Variants in LRRC58 observed in about 807,000 individuals in gnomAD.
LRRC58 encodes leucine rich repeat containing 58, also known as leucine-rich repeat-containing protein 58.
In LRRC58, 18 loss-of-function variants were observed where a neutral mutation model predicts 30.6. The observed-to-expected ratio is 0.59, with a 90% CI of 0.41 to 0.87. The LOEUF is 0.87. Among genes scored for constraint, LRRC58 ranks in the 40% least tolerant of loss-of-function variants. The pLI, the probability that LRRC58 is intolerant of heterozygous loss-of-function variation, is 0.00. For missense variants in LRRC58, 420 were observed against 468.4 expected (o/e 0.90, Z 0.95); for synonymous variants, 221 against 206.0 (o/e 1.07, Z -0.62).
In LRRC58 at chr3:120,331,348, C is replaced by T. The variant is rs1278246118; in HGVS notation, c.968G>A (p.Arg323His). ...IKFVDFCGKY[R>H]LPLMHYLCSP... The stretch of plus-strand genomic sequence containing the variant: ...ACACAAGTAGTGCATCAGTGGGAGG[C>T]GATACTTCCCACAGAAGTCCACAAA... The change falls in exon 4 of 4, where the codon CGC (arginine) becomes CAC (histidine). Residue 323 changes from arginine to histidine, a missense_variant. By Grantham distance (29) the Arg-to-His change is conservative. Transcript: ENST00000295628. The T allele has an allele frequency of 1.9e-6, 3 of 1,613,762 alleles. No homozygotes were observed. Among genetic ancestry groups the T allele is most frequent in the South Asian group, 1.1e-5 (1 of 91,062 alleles).
rs1935739373 is a variant in LRRC58 at position 120,330,495 on chromosome 3, T to C, written c.*705A>G. The C allele has an allele frequency of 6.6e-6, 1 of 152,190 alleles. No individual in the cohort carries two copies. Among genetic ancestry groups the C allele is most frequent in the Admixed American group, 6.5e-5 (1 of 15,282 alleles). 9.4% of individuals were successfully genotyped at this position (152,190 alleles called of 1,614,324 possible). A position where few individuals can be genotyped will look rare whatever the true frequency, so the allele number is the denominator to read the frequency against. On this transcript the variant is annotated 3_prime_UTR_variant, in exon 4 of 4. Coordinates refer to ENST00000295628, the MANE Select transcript of LRRC58 (RefSeq NM_001099678.2). ...ATTACTTCTTGAATACATTTTTATA[T>C]CCTTGCTGGATTAAGGCACTATAAC...
chr3:120,344,062 C>A (rs1394993581), intron 1 of LRRC58, among the ~76,000 whole-genome samples: 1 of 150,292 alleles, frequency 6.7e-6, no homozygotes, highest in South Asian at 2.1e-4. Context: ...AACAAACAAA[C>A]AAAAACAAAA....
At chr3:120,334,776 C>A in intron 3 of LRRC58, 86 bp downstream of exon 3, 1 of 1,234,074 alleles carries the variant, frequency 8.1e-7, no homozygotes, top group Non-Finnish European at 1.1e-6. Flanking sequence ...GGAACAGAAA[C>A]AGAGACTGCT....
chr3:120,333,372 T>C (rs1006169133), intron 3 of LRRC58, among the ~76,000 whole-genome samples: 6 of 152,228 alleles, frequency 3.9e-5, no homozygotes, highest in African/African-American at 1.4e-4. Context: ...AATGCTGCCC[T>C]ATGTGTTTTC....
In LRRC58 at chr3:120,348,823, C is replaced by A. The variant is rs763856666; in HGVS notation, c.421G>T (p.Glu141Ter). The change falls in exon 1 of 4, where the codon GAG becomes TAG. Residue 141 changes from glutamate to a stop codon, truncating the protein, a stop_gained. Transcript: ENST00000295628. LOFTEE classifies it high-confidence loss of function. ...CFQEVPASLL[E>*]LRALQTLSLG... ...CTCAGGGTCTGCAGCGCGCGCAGCT[C>A]TAAGAGCGAGGCAGGCACCTCCTGG... 4.4e-6 allele frequency: 7 copies of A among 1,607,262 alleles called. No homozygotes were observed. In the Admixed American group the frequency reaches 5.1e-5, roughly 12 times the overall value.
chr3:120,325,569 G>A lies in LRRC58; in HGVS notation c.*5631C>T, dbSNP rs1935662565. The A allele has an allele frequency of 6.6e-6, 1 of 152,180 alleles. No homozygotes were observed. Among genetic ancestry groups the A allele is most frequent in the African/African-American group, 2.4e-5 (1 of 41,446 alleles). The allele number at this position is 152,180 out of a possible 1,614,324, so 9.4% of individuals were successfully genotyped here. Reference sequence around the variant, plus strand: ...TTGCCCTGTGAGTGTTCAATAATATGTAGAGTTCATTAGTGAACTGTTTTT... The same window carrying A: ...TTGCCCTGTGAGTGTTCAATAATATATAGAGTTCATTAGTGAACTGTTTTT... On this transcript the variant is annotated 3_prime_UTR_variant, in exon 4 of 4. Coordinates refer to ENST00000295628, the MANE Select transcript of LRRC58 (RefSeq NM_001099678.2).
At position 120,325,514 on chromosome 3, in the gene LRRC58, G is replaced by C. The variant is rs1336986822; in HGVS notation, c.*5686C>G. The C allele has an allele frequency of 6.6e-6, 1 of 152,112 alleles. No individual in the cohort carries two copies. The highest frequency in any genetic ancestry group is 1.5e-5 in the Non-Finnish European group (1 of 68,002). 9.4% of individuals were successfully genotyped at this position (152,112 alleles called of 1,614,324 possible). Reference sequence around the variant, plus strand: ...CAACTATTGAGAAAGACTAATGTTAGGTAAAAGTCTAGTAGCACCCAAATC... The same window carrying C: ...CAACTATTGAGAAAGACTAATGTTACGTAAAAGTCTAGTAGCACCCAAATC... On this transcript the variant is annotated 3_prime_UTR_variant, in exon 4 of 4. Coordinates refer to ENST00000295628, the MANE Select transcript of LRRC58 (RefSeq NM_001099678.2).
rs1935677106 is a variant in LRRC58 at position 120,326,605 on chromosome 3, C to G, written c.*4595G>C. ...ATAAAAATCTATACAATAGCTTTTA[C>G]TATTGTTAAGTACCTGGCACAACTT... On this transcript the variant is annotated 3_prime_UTR_variant, in exon 4 of 4. Transcript: ENST00000295628. 2 of 152,172 alleles carry G rather than the reference C, an allele frequency of 1.3e-5. No individual in the cohort carries two copies. The highest frequency in any genetic ancestry group is 4.8e-5 in the African/African-American group (2 of 41,436). 9.4% of individuals were successfully genotyped at this position (152,172 alleles called of 1,614,324 possible). A position where few individuals can be genotyped will look rare whatever the true frequency, so the allele number is the denominator to read the frequency against.
chr3:120,331,316 C>T lies in LRRC58; in HGVS notation c.1000G>A (p.Glu334Lys), dbSNP rs76906770. 1 of 1,613,974 alleles carries T rather than the reference C, an allele frequency of 6.2e-7. No homozygotes were observed. The highest frequency in any genetic ancestry group is 1.1e-5 in the South Asian group (1 of 91,080). The change falls in exon 4 of 4, where the codon GAA becomes AAA. Residue 334 changes from glutamate to lysine, a missense_variant. This residue lies in a region of LRRC58 where 154 missense variants were observed against 216.8 expected (regional missense o/e 0.71). Transcript: ENST00000295628. ...LPLMHYLCSPECSSPCSSASH... is the reference protein window; with the variant it reads ...LPLMHYLCSPKCSSPCSSASH... ...GCAGAACTGCAAGGGGAAGAACATTCTGGTGAACACAAGTAGTGCATCAGT... is the reference window on the plus strand; with the variant it reads ...GCAGAACTGCAAGGGGAAGAACATTTTGGTGAACACAAGTAGTGCATCAGT...
At chr3:120,348,119 T>C (rs1004941319) in intron 1 of LRRC58, among the ~76,000 whole-genome samples, 4 of 152,080 alleles carry the variant, frequency 2.6e-5, no homozygotes, top group African/African-American at 7.2e-5. Flanking sequence ...GAGATAGCTT[T>C]TGAAGGATGA....
rs1936021495 is a variant in LRRC58 at position 120,349,182 on chromosome 3, A to G, written c.62T>C (p.Leu21Pro). The G allele has an allele frequency of 6.0e-6, 9 of 1,490,074 alleles. No homozygotes were observed. The highest frequency in any genetic ancestry group is 8.0e-6 in the Non-Finnish European group (9 of 1,128,404). The allele number at this position is 1,490,074 out of a possible 1,614,324, so 92.3% of individuals were successfully genotyped here. A position where few individuals can be genotyped will look rare whatever the true frequency, so the allele number is the denominator to read the frequency against. ...AGEAELNWSR[L>P]SVSTETLESE... ...CTCCAGCGTCTCGGTGGACACGCTG[A>G]GGCGGGACCAGTTCAGTTCGGCCTC... The change falls in exon 1 of 4, where the codon CTC (leucine) becomes CCC (proline). Residue 21 changes from leucine (L) to proline (P), a missense_variant. Transcript: ENST00000295628.
At chr3:120,339,716 T>C (rs985606216) in intron 1 of LRRC58, among the ~76,000 whole-genome samples, 4 of 152,202 alleles carry the variant, frequency 2.6e-5, no homozygotes, top group African/African-American at 9.6e-5. Context: ...TCATCTTTAA[T>C]GTTCTAAAGT....
Position 120,349,215 on chromosome 3 carries a change from G to A in LRRC58, c.29C>T (p.Thr10Met), listed in dbSNP as rs1481988447. 3.5e-6 allele frequency: 5 copies of A among 1,432,746 alleles called. 1 individual carries two copies. The African/African-American group carries it at 4.5e-5, about 13-fold the overall frequency. 88.8% of individuals were successfully genotyped at this position (1,432,746 alleles called of 1,614,324 possible). A position where few individuals can be genotyped will look rare whatever the true frequency, so the allele number is the denominator to read the frequency against. Residue 10 changes from threonine to methionine, a missense_variant, in exon 1 of 4, where the codon ACG (threonine) becomes ATG (methionine). By Grantham distance (81) the Thr-to-Met change is moderately conservative. Around this residue, in one of 2 missense-constraint regions of LRRC58, gnomAD observed 266 missense variants for 251.7 expected, o/e 1.06. Transcript: ENST00000295628. MEEAGAAVVTAGEAELNWSR... is the reference protein window; with the variant it reads MEEAGAAVVMAGEAELNWSR... ...CCAGTTCAGTTCGGCCTCCCCGGCCGTGACCACCGCTGCTCCGGCCTCCTC... is the reference window on the plus strand; with the variant it reads ...CCAGTTCAGTTCGGCCTCCCCGGCCATGACCACCGCTGCTCCGGCCTCCTC...
At chr3:120,335,694 C>G in intron 2 of LRRC58, 131 bp downstream of exon 2, 2 of 773,796 alleles carry the variant, frequency 2.6e-6, no homozygotes, top group Non-Finnish European at 3.9e-6. Flanking sequence ...AACCTCAGAA[C>G]TATAATTAAC....
chr3:120,349,030 G>A lies in LRRC58; in HGVS notation c.214C>T (p.Leu72=). 6.6e-7 allele frequency: 1 copy of A among 1,518,682 alleles called. No individual in the cohort carries two copies. 94.1% of individuals were successfully genotyped at this position (1,518,682 alleles called of 1,614,324 possible). A position where few individuals can be genotyped will look rare whatever the true frequency, so the allele number is the denominator to read the frequency against. ...ALGSGFPHLQ[L]LDVSGNALTA... ...AACGCGTTGCCGCTCACGTCCAGCA[G>A]CTGGAGGTGCGGGAAGCCGCTGCCC... Residue 72 remains leucine (L), a synonymous_variant, in exon 1 of 4, where the codon CTG becomes TTG. Transcript: ENST00000295628.
In LRRC58 at chr3:120,328,170, A is replaced by C. The variant is rs959138298; in HGVS notation, c.*3030T>G. 6.6e-6 allele frequency: 1 copy of C among 152,188 alleles called. No homozygotes were observed. The highest frequency in any genetic ancestry group is 2.4e-5 in the African/African-American group (1 of 41,448). 9.4% of individuals were successfully genotyped at this position (152,188 alleles called of 1,614,324 possible). On this transcript the variant is annotated 3_prime_UTR_variant, in exon 4 of 4. Transcript: ENST00000295628. ...CTTTGGATTTACCTCCACTACTCAA[A>C]TACTAGAATACTGAGGACCGTAGCC... is the stretch of plus-strand genomic sequence containing the variant.
At chr3:120,332,492 T>G in intron 3 of LRRC58, among the ~76,000 whole-genome samples, 1 of 152,148 alleles carries the variant, frequency 6.6e-6, no homozygotes, top group Non-Finnish European at 1.5e-5. Context: ...TGGTCAGTCA[T>G]AGACCGATAA....
intron 3 of LRRC58, among the ~76,000 whole-genome samples, chr3:120,333,629 T>C (rs564562431): frequency 1.3e-5 from 2 of 152,370 alleles, no homozygotes; most frequent in East Asian, 1.9e-4. Flanking sequence ...ATCATCATTA[T>C]GCAGCATTTC....
At chr3:120,333,107 GA>G (rs1328871528) in intron 3 of LRRC58, among the ~76,000 whole-genome samples, 86 of 126,456 alleles carry the variant, frequency 6.8e-4, no homozygotes, top group African/African-American at 1.5e-3. Flanking sequence ...AAAAAAAAAA[GA>G]AAAAAAAAAA....
Sources: gnomAD v4.1 joint callset for allele counts (sites outside exome capture counted in the v4.1 genomes callset) on GRCh38, gnomAD v4.1.1 for gene constraint, gnomAD v4.1.1 regional missense constraint, MANE v1.5 for transcripts, NCBI Gene and HGNC (gene_info 2026-07-23, HGNC 2026-07-21) for gene names.